DACH2: variants seen among roughly 807,000 people sequenced by gnomAD.
DACH2 encodes dachshund family transcription factor 2.
Under a neutral mutation model 35.8 loss-of-function variants are expected in DACH2, and 17 were observed. That is an observed-to-expected ratio of 0.48 (90% CI 0.33 to 0.71). DACH2 has a LOEUF of 0.71. DACH2 is among the 30% of genes least tolerant of loss of function. The pLI, the probability that DACH2 is intolerant of heterozygous loss-of-function variation, is 0.02. For missense variants in DACH2, 469 were observed against 472.7 expected (o/e 0.99, Z 0.07); for synonymous variants, 195 against 177.3 (o/e 1.10, Z -0.79).
chrX:86,588,129 AT>A (rs2039598416), intron 3 of DACH2, among the ~76,000 whole-genome samples: 1 of 110,827 alleles, frequency 9.0e-6, no homozygotes, highest in Non-Finnish European at 1.9e-5. Context: ...ATAGGTAGTC[AT>A]TTTCCTGTTG....
intron 2 of DACH2, among the ~76,000 whole-genome samples, chrX:86,499,306 G>A (rs1278218841): frequency 9.0e-6 from 1 of 111,496 alleles, no homozygotes; most frequent in East Asian, 2.8e-4. Context: ...TAAGGGATGA[G>A]AGTTGCTGTT....
chrX:86,335,855 T>G (rs1200727304), intron 1 of DACH2, among the ~76,000 whole-genome samples: 1 of 112,050 alleles, frequency 8.9e-6, no homozygotes, highest in Non-Finnish European at 1.9e-5. Context: ...TTCCAGCTTT[T>G]GCCTATTCAG....
intron 3 of DACH2, among the ~76,000 whole-genome samples, chrX:86,588,906 G>C (rs1011438827): frequency 5.4e-5 from 6 of 111,387 alleles, no homozygotes; most frequent in African/African-American, 2.0e-4. Context: ...ATGTTGAGTA[G>C]GAGTGCTGAG....
At chrX:86,376,883 T>A in intron 2 of DACH2, 21 bp downstream of exon 2, 1 of 697,621 alleles carries the variant, frequency 1.4e-6, no homozygotes, top group Non-Finnish European at 2.2e-6. Context: ...ATTTATTTTT[T>A]AAAAATCAAA....
At chrX:86,827,706 T>C in intron 11 of DACH2, 1 of 1,050,528 alleles carries the variant, frequency 9.5e-7, no homozygotes, top group Non-Finnish European at 1.3e-6. Flanking sequence ...ATTGAGTAGA[T>C]TTTGAATTTT....
chrX:86,316,114 G>A, intron 1 of DACH2, among the ~76,000 whole-genome samples: 1 of 91,362 alleles, frequency 1.1e-5, no homozygotes, highest in Non-Finnish European at 2.2e-5. Flanking sequence ...GCTCTGTGCT[G>A]TTTTTTGTTT....
intron 1 of DACH2, among the ~76,000 whole-genome samples, chrX:86,329,728 G>A (rs1024781381): frequency 7.2e-5 from 8 of 111,521 alleles, no homozygotes; most frequent in Non-Finnish European, 1.5e-4. Context: ...GAAACCTATA[G>A]CTTTATTTTA....
At chrX:86,559,888 T>G (rs2039182596) in intron 3 of DACH2, among the ~76,000 whole-genome samples, 1 of 65,903 alleles carries the variant, frequency 1.5e-5, no homozygotes, top group Non-Finnish European at 2.7e-5. Context: ...TCTTGATTCT[T>G]TATCCAATTT....
chrX:86,627,896 C>A (rs549529155), intron 3 of DACH2, among the ~76,000 whole-genome samples: 1 of 112,234 alleles, frequency 8.9e-6, no homozygotes, highest in African/African-American at 3.2e-5. Flanking sequence ...CAAAGGCAAA[C>A]ACTTTCAGTG....
At chrX:86,599,466 T>TTTTC (rs534501331) in intron 3 of DACH2, among the ~76,000 whole-genome samples, 7,813 of 62,607 alleles carry the variant, frequency 0.12, 566 homozygotes, top group Admixed American at 0.22. Context: ...TCCTTCCTTC[T>TTTTC]TTTCTTTCTT....
intron 3 of DACH2, among the ~76,000 whole-genome samples, chrX:86,572,282 T>C (rs2039381443): frequency 9.1e-6 from 1 of 109,796 alleles, no homozygotes; most frequent in Non-Finnish European, 1.9e-5. Flanking sequence ...TATGCCAAAC[T>C]CCATCTATTC....
intron 2 of DACH2, among the ~76,000 whole-genome samples, chrX:86,485,994 T>A (rs924494080): frequency 8.9e-6 from 1 of 111,812 alleles, no homozygotes; most frequent in Admixed American, 9.5e-5. Flanking sequence ...TGTCTAAGTT[T>A]CTGGATTGCT....
At chrX:86,587,008 T>C (rs892183574) in intron 3 of DACH2, among the ~76,000 whole-genome samples, 8 of 111,904 alleles carry the variant, frequency 7.1e-5, no homozygotes, top group Non-Finnish European at 1.1e-4. Flanking sequence ...TGCTTTGGAA[T>C]GGCCATTTTA....
At chrX:86,739,953 G>A in intron 7 of DACH2, 71 bp downstream of exon 7, 5 of 1,045,404 alleles carry the variant, frequency 4.8e-6, no homozygotes, top group Non-Finnish European at 6.4e-6. Flanking sequence ...GAAAAATAGA[G>A]GAGAGGGAAA....
chrX:86,591,806 G>C (rs187115440), intron 3 of DACH2, among the ~76,000 whole-genome samples: 1 of 111,049 alleles, frequency 9.0e-6, no homozygotes, highest in African/African-American at 3.3e-5. Flanking sequence ...AAAGTGCTGG[G>C]ATTATAGGCG....
intron 1 of DACH2, among the ~76,000 whole-genome samples, chrX:86,167,649 A>G (rs1040943041): frequency 2.7e-5 from 3 of 109,631 alleles, no homozygotes; most frequent in African/African-American, 9.9e-5. Flanking sequence ...GTTTATTTGA[A>G]GTTTTTCTTC....
At chrX:86,465,191 C>G (rs1474046733) in intron 2 of DACH2, among the ~76,000 whole-genome samples, 3 of 111,745 alleles carry the variant, frequency 2.7e-5, no homozygotes, top group Non-Finnish European at 5.6e-5. Flanking sequence ...TCTATCCTTT[C>G]AAAACAAACA....
intron 2 of DACH2, among the ~76,000 whole-genome samples, chrX:86,410,299 A>G (rs781496239): frequency 8.9e-6 from 1 of 112,488 alleles, no homozygotes; most frequent in East Asian, 2.8e-4. Context: ...TTGTTTGCAC[A>G]TCAACAGCAG....
intron 7 of DACH2, chrX:86,742,768 G>A: frequency 4.0e-6 from 1 of 249,495 alleles, no homozygotes. Context: ...ATAATAATCA[G>A]ATACTAACTC....
Sources: gnomAD v4.1 joint callset for allele counts (sites outside exome capture counted in the v4.1 genomes callset) on GRCh38, gnomAD v4.1.1 for gene constraint, MANE v1.5 for transcripts, NCBI Gene and HGNC (gene_info 2026-07-23, HGNC 2026-07-21) for gene names.